IL1RAPL2: variants seen among roughly 807,000 people sequenced by gnomAD.
IL1RAPL2 encodes X-linked interleukin-1 receptor accessory protein-like 2.
A neutral mutation model predicts 44.1 loss-of-function variants in IL1RAPL2; 3 were observed. The observed-to-expected ratio is 0.07, with a 90% CI of 0.03 to 0.18. The LOEUF (loss-of-function observed/expected upper bound fraction) is 0.18. Among genes scored for constraint, IL1RAPL2 ranks in the 10% least tolerant of loss-of-function variants. The pLI, the probability that IL1RAPL2 is intolerant of heterozygous loss-of-function variation, is 1.00. For synonymous variants in IL1RAPL2, 181 were observed against 178.8 expected, an observed-to-expected ratio of 1.01 and a Z score of -0.10; for missense variants, 391 against 496.4, an observed-to-expected ratio of 0.79 and a Z score of 2.02.
At chrX:104,892,166 G>A (rs1449058539) in intron 2 of IL1RAPL2, among the ~76,000 whole-genome samples, 1 of 111,483 alleles carries the variant, frequency 9.0e-6, no homozygotes, top group African/African-American at 3.3e-5. Context: ...TGGTGGATAA[G>A]CTTTTTGATG....
chrX:104,710,834 G>A (rs1030178249), intron 2 of IL1RAPL2, among the ~76,000 whole-genome samples: 13 of 110,898 alleles, frequency 1.2e-4, no homozygotes, highest in South Asian at 7.5e-4. Flanking sequence ...CTACTGCATC[G>A]CCAGTCATAT....
intron 2 of IL1RAPL2, among the ~76,000 whole-genome samples, chrX:104,771,490 G>A (rs987625403): frequency 1.1e-4 from 12 of 112,326 alleles, no homozygotes; most frequent in African/African-American, 2.9e-4. Context: ...AGGTGTGAGA[G>A]GTATTTTTTG....
In IL1RAPL2 at chrX:105,370,402, G is replaced by C. The variant is rs745511522; in HGVS notation, c.697+102861G>C. Among the ~76,000 whole-genome samples, 25 of 110,950 alleles carry C rather than the reference G, an allele frequency of 2.3e-4. No homozygotes were observed. The East Asian group carries it at 2.6e-3, about 11-fold the overall frequency. ...ACCCTCCACCATCAAATAGGCCCTG[G>C]TGTCTATTGTTCCCTTTTTTTGTGT... On this transcript the variant is annotated intron_variant, in intron 5 of 10. Coordinates refer to ENST00000372582, the MANE Select transcript of IL1RAPL2 (RefSeq NM_017416.2).
chrX:105,344,114 T>C (rs2035092305), intron 5 of IL1RAPL2, among the ~76,000 whole-genome samples: 1 of 111,792 alleles, frequency 8.9e-6, no homozygotes, highest in Admixed American at 9.5e-5. Context: ...AGGCTGGTCT[T>C]GAACCCCTGG....
At chrX:105,111,943 TTAAC>T (rs2032805357) in intron 2 of IL1RAPL2, among the ~76,000 whole-genome samples, 2 of 112,067 alleles carry the variant, frequency 1.8e-5, no homozygotes, top group South Asian at 7.6e-4. Context: ...ATAATGTTAT[TTAAC>T]TATTATAAGA....
chrX:105,361,479 A>T (rs1182323894), intron 5 of IL1RAPL2, among the ~76,000 whole-genome samples: 2 of 111,701 alleles, frequency 1.8e-5, no homozygotes, highest in Admixed American at 1.9e-4. Context: ...AATCCACAAT[A>T]CAAAAACTAA....
intron 5 of IL1RAPL2, among the ~76,000 whole-genome samples, chrX:105,426,138 ACC>A (rs915718035): frequency 9.1e-6 from 1 of 109,502 alleles, no homozygotes; most frequent in African/African-American, 3.3e-5. Flanking sequence ...CTAGGAAAGT[ACC>A]CAGACATAGC....
At chrX:104,836,925 G>A (rs1921758508) in intron 2 of IL1RAPL2, among the ~76,000 whole-genome samples, 1 of 110,320 alleles carries the variant, frequency 9.1e-6, no homozygotes, top group African/African-American at 3.3e-5. Context: ...AGTATGTGAT[G>A]TTCCCCTCCC....
chrX:105,211,726 C>T (rs150303120), intron 3 of IL1RAPL2, among the ~76,000 whole-genome samples: 98 of 111,360 alleles, frequency 8.8e-4, no homozygotes, highest in African/African-American at 3.1e-3. Flanking sequence ...CCACAGCTCC[C>T]AGCGAGAACA....
At chrX:104,762,520 C>T (rs1305285193) in intron 2 of IL1RAPL2, among the ~76,000 whole-genome samples, 3 of 111,933 alleles carry the variant, frequency 2.7e-5, no homozygotes, top group South Asian at 3.7e-4. Context: ...ATTCTGGTGC[C>T]TGGAGGACAG....
intron 3 of IL1RAPL2, among the ~76,000 whole-genome samples, chrX:105,201,417 CA>C (rs202023800): frequency 5.4e-5 from 6 of 110,305 alleles, no homozygotes; most frequent in African/African-American, 2.0e-4. Flanking sequence ...TAGTCCATAA[CA>C]AAAAAAAGAA....
At chrX:104,946,379 C>CAAAAAAAAA (rs1157603029) in intron 2 of IL1RAPL2, among the ~76,000 whole-genome samples, 744 of 9,124 alleles carry the variant, frequency 0.082, 295 homozygotes, top group South Asian at 0.1. Flanking sequence ...GACTCCGTCT[C>CAAAAAAAAA]AAAAAAAAAA....
chrX:104,842,469 A>T (rs1354657050), intron 2 of IL1RAPL2, among the ~76,000 whole-genome samples: 2 of 111,161 alleles, frequency 1.8e-5, no homozygotes, highest in Non-Finnish European at 3.8e-5. Flanking sequence ...GAGAAGCAGC[A>T]TTCTCGCTTT....
At chrX:104,813,526 G>T (rs907867869) in intron 2 of IL1RAPL2, among the ~76,000 whole-genome samples, 1 of 111,277 alleles carries the variant, frequency 9.0e-6, no homozygotes, top group South Asian at 3.8e-4. Context: ...TCACTCATTT[G>T]ATCATTCATT....
chrX:104,992,270 G>A (rs1214176035), intron 2 of IL1RAPL2, among the ~76,000 whole-genome samples: 2 of 111,247 alleles, frequency 1.8e-5, no homozygotes, highest in Non-Finnish European at 3.8e-5. Flanking sequence ...TAGAAAAAAA[G>A]CACACTGGCA....
At chrX:105,224,276 TTA>T (rs1404214776) in intron 3 of IL1RAPL2, among the ~76,000 whole-genome samples, 17 of 111,459 alleles carry the variant, frequency 1.5e-4, no homozygotes, top group African/African-American at 3.3e-5. Flanking sequence ...AAAAAGAGTG[TTA>T]TTAGTTTCAT....
chrX:104,872,388 T>G (rs762669351), intron 2 of IL1RAPL2, among the ~76,000 whole-genome samples: 1 of 111,669 alleles, frequency 9.0e-6, no homozygotes, highest in Non-Finnish European at 1.9e-5. Flanking sequence ...CTAAAACCCA[T>G]GAACATGTGC....
intron 2 of IL1RAPL2, among the ~76,000 whole-genome samples, chrX:104,767,085 C>T (rs965842435): frequency 3.6e-5 from 4 of 111,983 alleles, no homozygotes; most frequent in Non-Finnish European, 7.5e-5. Flanking sequence ...GTGTAAGACA[C>T]ATTCTCCACT....
intron 2 of IL1RAPL2, among the ~76,000 whole-genome samples, chrX:105,094,163 T>G (rs1043947773): frequency 9.0e-6 from 1 of 111,726 alleles, no homozygotes; most frequent in Non-Finnish European, 1.9e-5. Context: ...GCTATGCTAC[T>G]TTCAAGCTAT....
Sources: gnomAD v4.1 joint callset for allele counts (sites outside exome capture counted in the v4.1 genomes callset) on GRCh38, gnomAD v4.1.1 for gene constraint, MANE v1.5 for transcripts, NCBI Gene and HGNC (gene_info 2026-07-23, HGNC 2026-07-21) for gene names.